The following NAALADL2 variants were observed in gnomAD, a reference collection of about 807,000 sequenced individuals.
NAALADL2 encodes N-acetylated alpha-linked acidic dipeptidase like 2.
A neutral mutation model predicts 87.2 loss-of-function variants in NAALADL2; 76 were observed. That is an observed-to-expected ratio of 0.87 (90% CI 0.72 to 1.05). The LOEUF (loss-of-function observed/expected upper bound fraction) is 1.05. Among genes scored for constraint, NAALADL2 ranks in the 50% least tolerant of loss-of-function variants. The pLI is 0.00. For missense variants in NAALADL2, 1,089 were observed against 945.8 expected (o/e 1.15, Z -1.99); for synonymous variants, 354 against 331.0 (o/e 1.07, Z -0.75).
At chr3:174,988,105 T>C (rs1186203291) in intron 1 of NAALADL2, among the ~76,000 whole-genome samples, 6 of 152,052 alleles carry the variant, frequency 3.9e-5, no homozygotes, top group African/African-American at 1.4e-4. Context: ...AAAAATAAAC[T>C]ATCAGTGGAG....
chr3:175,685,175 T>C (rs1490739476), intron 11 of NAALADL2, among the ~76,000 whole-genome samples: 1 of 152,100 alleles, frequency 6.6e-6, no homozygotes, highest in Non-Finnish European at 1.5e-5. Flanking sequence ...AGGATCCTGA[T>C]AGGCAAATAG....
chr3:174,908,021 GTTTTTTTTT>G (rs35051279), intron 1 of NAALADL2, among the ~76,000 whole-genome samples: 3 of 82,564 alleles, frequency 3.6e-5, no homozygotes, highest in Admixed American at 1.4e-4. Flanking sequence ...AGAGAAGTTG[GTTTTTTTTT>G]TTTTTTTTTT....
At chr3:174,968,769 G>A (rs554555156) in intron 1 of NAALADL2, among the ~76,000 whole-genome samples, 9 of 152,182 alleles carry the variant, frequency 5.9e-5, no homozygotes, top group East Asian at 1.9e-4. Flanking sequence ...GAGCCACTGC[G>A]CCCAGCCCTA....
intron 6 of NAALADL2, among the ~76,000 whole-genome samples, chr3:175,453,613 C>A (rs1721897013): frequency 6.6e-6 from 1 of 152,100 alleles, no homozygotes; most frequent in South Asian, 2.1e-4. Context: ...ATATCATAAG[C>A]AGAGCATAAG....
At chr3:175,008,407 T>A (rs541037348) in intron 1 of NAALADL2, among the ~76,000 whole-genome samples, 13 of 152,044 alleles carry the variant, frequency 8.6e-5, no homozygotes, top group Non-Finnish European at 1.3e-4. Context: ...ATTTACAAAT[T>A]GATTTCTGGA....
intron 1 of NAALADL2, among the ~76,000 whole-genome samples, chr3:174,501,096 T>TCTG (rs35798264): frequency 9.0e-5 from 10 of 111,348 alleles, no homozygotes; most frequent in African/African-American, 3.8e-4. Flanking sequence ...TTTTTTTTTT[T>TCTG]GAGACGGAGT....
intron 5 of NAALADL2, among the ~76,000 whole-genome samples, chr3:175,429,848 A>G (rs1717459764): frequency 6.6e-6 from 1 of 152,044 alleles, no homozygotes; most frequent in South Asian, 2.1e-4. Context: ...GAAATGTCAC[A>G]GGGTAATATG....
At chr3:175,059,567 G>A in intron 1 of NAALADL2, 1 of 302,996 alleles carries the variant, frequency 3.3e-6, no homozygotes, top group South Asian at 3.8e-5. Context: ...CTCTAGTTTT[G>A]CCATATCTGC....
intron 5 of NAALADL2, among the ~76,000 whole-genome samples, chr3:175,420,268 T>A (rs756806315): frequency 6.6e-6 from 1 of 152,064 alleles, no homozygotes; most frequent in East Asian, 1.9e-4. Flanking sequence ...CCTGTTTAGA[T>A]TGGCACTTTC....
chr3:175,171,760 A>G (rs1734864988), intron 2 of NAALADL2, among the ~76,000 whole-genome samples: 1 of 152,236 alleles, frequency 6.6e-6, no homozygotes, highest in Non-Finnish European at 1.5e-5. Context: ...CATTTACAGC[A>G]ACATGGATGA....
chr3:174,926,218 A>G (rs1277513560), intron 1 of NAALADL2, among the ~76,000 whole-genome samples: 1 of 152,232 alleles, frequency 6.6e-6, no homozygotes, highest in Non-Finnish European at 1.5e-5. Context: ...TGAAAAGACC[A>G]AATCTACATC....
At chr3:175,093,443 G>T (rs1375938512) in intron 1 of NAALADL2, among the ~76,000 whole-genome samples, 3 of 111,572 alleles carry the variant, frequency 2.7e-5, no homozygotes, top group Non-Finnish European at 4.0e-5. Context: ...TGTTTTAAGT[G>T]AAGCAAACAA....
intron 2 of NAALADL2, among the ~76,000 whole-genome samples, chr3:174,714,828 C>T (rs1264835316): frequency 6.6e-6 from 1 of 152,126 alleles, no homozygotes; most frequent in Non-Finnish European, 1.5e-5. Context: ...GAAATTCCAA[C>T]ACTATGTTGA....
intron 3 of NAALADL2, among the ~76,000 whole-genome samples, chr3:174,776,911 A>G (rs988431344): frequency 1.3e-5 from 2 of 152,276 alleles, no homozygotes; most frequent in Admixed American, 6.5e-5. Context: ...GTGACCATAG[A>G]GAAAGCCTTT....
chr3:175,575,329 G>A (rs1423160223), intron 9 of NAALADL2, among the ~76,000 whole-genome samples: 2 of 151,980 alleles, frequency 1.3e-5, no homozygotes, highest in African/African-American at 4.8e-5. Context: ...TTGTTGCCCA[G>A]CCTGGAGTGC....
At chr3:175,495,293 T>C (rs1376671765) in intron 9 of NAALADL2, among the ~76,000 whole-genome samples, 1 of 151,872 alleles carries the variant, frequency 6.6e-6, no homozygotes, top group Non-Finnish European at 1.5e-5. Flanking sequence ...TTGTCATAGG[T>C]CTGGTAATAT....
At chr3:175,307,437 A>T (rs985582130) in intron 4 of NAALADL2, among the ~76,000 whole-genome samples, 1 of 152,162 alleles carries the variant, frequency 6.6e-6, no homozygotes, top group African/African-American at 2.4e-5. Flanking sequence ...ATTGAGAGTA[A>T]TAAAAATAAA....
intron 2 of NAALADL2, among the ~76,000 whole-genome samples, chr3:174,555,599 C>G (rs2108500177): frequency 6.6e-6 from 1 of 152,246 alleles, no homozygotes; most frequent in South Asian, 2.1e-4. Flanking sequence ...CGCGCCTGGC[C>G]AAAAATTCAG....
chr3:174,701,541 T>C (rs1486281935), intron 2 of NAALADL2, among the ~76,000 whole-genome samples: 1 of 152,194 alleles, frequency 6.6e-6, no homozygotes, highest in Admixed American at 6.6e-5. Context: ...AATTCATCAT[T>C]ACAATGTAAT....
Sources: gnomAD v4.1 joint callset for allele counts (sites outside exome capture counted in the v4.1 genomes callset) on GRCh38, gnomAD v4.1.1 for gene constraint, MANE v1.5 for transcripts, NCBI Gene and HGNC (gene_info 2026-07-23, HGNC 2026-07-21) for gene names.